Variants in PLCB1 observed in about 807,000 individuals in gnomAD.
PLCB1 encodes the protein phospholipase C beta 1, also known as 1-phosphatidylinositol 4,5-bisphosphate phosphodiesterase beta-1.
Under a neutral mutation model 161.8 loss-of-function variants are expected in PLCB1, and 46 were observed. The ratio of observed to expected loss-of-function variants is 0.28; its 90% confidence interval spans 0.22 to 0.36. The LOEUF is 0.36. Ranked by LOEUF, PLCB1 falls within the 10% of genes least tolerant of loss-of-function variation. The pLI is 1.00. For synonymous variants in PLCB1, 517 were observed against 503.7 expected (o/e 1.03, Z -0.35); for missense variants, 1,016 against 1,472.5 (o/e 0.69, Z 5.07).
At chr20:8,439,073 T>C (rs1980434128) in intron 3 of PLCB1, among the ~76,000 whole-genome samples, 2 of 152,208 alleles carry the variant, frequency 1.3e-5, no homozygotes, top group Admixed American at 1.3e-4. Flanking sequence ...GCTTTCTACA[T>C]TGTGAAGTTC....
At position 8,790,169 on chromosome 20, in the gene PLCB1, TTA is replaced by T; in HGVS notation, c.3337-3_3337-2del. On this transcript the variant is annotated splice_polypyrimidine_tract_variant and splice_region_variant and intron_variant, in intron 30 of 31. Coordinates refer to ENST00000338037, the MANE Select transcript of PLCB1 (RefSeq NM_015192.4). ...GAAAGTAATGTTTCTTGTAACTTTCTTATAGCTAGAAGAAGCGCAAAGTAAAC... is the reference window on the plus strand; with the variant it reads ...GAAAGTAATGTTTCTTGTAACTTTCTTAGCTAGAAGAAGCGCAAAGTAAAC... 6.2e-7 allele frequency: 1 copy of T among 1,600,096 alleles called. No individual in the cohort carries two copies. The highest frequency in any genetic ancestry group is 8.6e-7 in the Non-Finnish European group (1 of 1,168,868).
intron 3 of PLCB1, among the ~76,000 whole-genome samples, chr20:8,427,615 AC>A (rs1318242121): frequency 6.6e-6 from 1 of 152,142 alleles, no homozygotes; most frequent in African/African-American, 2.4e-5. Flanking sequence ...ATAAGAGGAA[AC>A]CCTCAAATCC....
At chr20:8,602,248 TG>T (rs1165851128) in intron 3 of PLCB1, among the ~76,000 whole-genome samples, 1 of 152,166 alleles carries the variant, frequency 6.6e-6, no homozygotes, top group African/African-American at 2.4e-5. Context: ...GGTTGACTCT[TG>T]GTATTCCTAG....
chr20:8,658,184 G>A (rs1445192849), intron 8 of PLCB1, among the ~76,000 whole-genome samples: 1 of 152,296 alleles, frequency 6.6e-6, no homozygotes, highest in South Asian at 2.1e-4. Context: ...GATATATGGA[G>A]TTGGATGATT....
At chr20:8,698,917 A>T (rs1990640388) in intron 11 of PLCB1, among the ~76,000 whole-genome samples, 1 of 152,190 alleles carries the variant, frequency 6.6e-6, no homozygotes, top group African/African-American at 2.4e-5. Flanking sequence ...TTGCACCACA[A>T]GGGGCCACAC....
chr20:8,653,644 A>G (rs1989376647), intron 7 of PLCB1: 1 of 152,074 alleles, frequency 6.6e-6, no homozygotes, highest in South Asian at 2.1e-4. Context: ...ATATTTTAAA[A>G]TAACATTTTT....
chr20:8,606,062 C>A (rs1186723366), intron 3 of PLCB1, among the ~76,000 whole-genome samples: 1 of 152,110 alleles, frequency 6.6e-6, no homozygotes, highest in Non-Finnish European at 1.5e-5. Flanking sequence ...CATTGATGGG[C>A]ACTTGGCTTG....
At chr20:8,766,973 G>T (rs1982349971) in intron 26 of PLCB1, among the ~76,000 whole-genome samples, 1 of 152,126 alleles carries the variant, frequency 6.6e-6, no homozygotes. Context: ...GAGAGAAGGG[G>T]ATGAATTCTT....
chr20:8,153,981 T>C (rs6055578), intron 2 of PLCB1, among the ~76,000 whole-genome samples: 62,072 of 152,026 alleles, frequency 0.41, 12,691 homozygotes, highest in Middle Eastern at 0.46. Flanking sequence ...ATCTTTAAAC[T>C]GCACTCTCCC....
At chr20:8,278,958 C>A (rs1982732476) in intron 2 of PLCB1, among the ~76,000 whole-genome samples, 1 of 143,324 alleles carries the variant, frequency 7.0e-6, no homozygotes, top group African/African-American at 2.8e-5. Context: ...GCAAAATAAA[C>A]ACGACTATAC....
At chr20:8,366,867 T>C (rs949756937) in intron 2 of PLCB1, among the ~76,000 whole-genome samples, 9 of 152,204 alleles carry the variant, frequency 5.9e-5, no homozygotes, top group Non-Finnish European at 1.2e-4. Flanking sequence ...TCCTTTCTCA[T>C]TGTTGGATGG....
At chr20:8,181,228 G>A (rs1426872820) in intron 2 of PLCB1, among the ~76,000 whole-genome samples, 7 of 127,094 alleles carry the variant, frequency 5.5e-5, no homozygotes, top group African/African-American at 6.0e-5. Flanking sequence ...CAGCCTGGCC[G>A]ATAGAATGAG....
At chr20:8,871,842 C>T (rs6056218) in intron 31 of PLCB1, among the ~76,000 whole-genome samples, 44,839 of 152,008 alleles carry the variant, frequency 0.29, 6,762 homozygotes, top group South Asian at 0.51. Flanking sequence ...TGAGGTTACA[C>T]AATATTAATT....
At position 8,744,338 on chromosome 20, in the gene PLCB1, T is replaced by C. The variant is rs373731477; in HGVS notation, c.2523+2765T>C. Among the ~76,000 whole-genome samples the C allele has an allele frequency of 1.2e-4, 19 of 152,282 alleles. No individual in the cohort carries two copies. The East Asian group carries it at 3.3e-3, about 26-fold the overall frequency. On this transcript the variant is annotated intron_variant, in intron 23 of 31. Coordinates refer to ENST00000338037, the MANE Select transcript of PLCB1 (RefSeq NM_015192.4). Reference sequence around the variant, plus strand: ...TAACCCATTAGTTAGCCATTGTCTCTAAGGAATAAGCACTTGCTTCAAGAG... The same window carrying C: ...TAACCCATTAGTTAGCCATTGTCTCCAAGGAATAAGCACTTGCTTCAAGAG...
chr20:8,469,907 C>T (rs1361421551), intron 3 of PLCB1, among the ~76,000 whole-genome samples: 1 of 152,140 alleles, frequency 6.6e-6, no homozygotes, highest in Non-Finnish European at 1.5e-5. Flanking sequence ...AAAAGAAACC[C>T]TGTCCCCATT....
chr20:8,397,478 T>A (rs1477115338), intron 3 of PLCB1, among the ~76,000 whole-genome samples: 2 of 152,122 alleles, frequency 1.3e-5, no homozygotes, highest in Non-Finnish European at 2.9e-5. Context: ...TAAAGAAGAA[T>A]GCTCAGGGAA....
intron 3 of PLCB1, among the ~76,000 whole-genome samples, chr20:8,532,853 T>C (rs1485223058): frequency 2.6e-5 from 4 of 152,008 alleles, no homozygotes; most frequent in African/African-American, 9.7e-5. Flanking sequence ...TTCTTCCTTT[T>C]TATTTTATTT....
chr20:8,439,172 T>A (rs547160046), intron 3 of PLCB1, among the ~76,000 whole-genome samples: 1 of 152,280 alleles, frequency 6.6e-6, no homozygotes, highest in African/African-American at 2.4e-5. Flanking sequence ...TAACAGTCGA[T>A]GGAGTGCAAA....
At chr20:8,810,920 C>T (rs1015665332) in intron 31 of PLCB1, among the ~76,000 whole-genome samples, 5 of 152,198 alleles carry the variant, frequency 3.3e-5, no homozygotes, top group African/African-American at 4.8e-5. Flanking sequence ...GAGCCAAGAT[C>T]GCACTACTGC....
Sources: allele counts gnomAD v4.1 joint callset (sites outside exome capture counted in the v4.1 genomes callset), GRCh38; gene constraint gnomAD v4.1.1; transcripts MANE v1.5; gene names NCBI Gene and HGNC (gene_info 2026-07-23, HGNC 2026-07-21).